EML6: variants seen among roughly 807,000 people sequenced by gnomAD.
The protein encoded by EML6 is echinoderm microtubule-associated protein-like 6.
A neutral mutation model predicts 240.1 loss-of-function variants in EML6; 154 were observed. The ratio of observed to expected loss-of-function variants is 0.64; its 90% CI spans 0.56 to 0.73. The LOEUF is 0.73. Among genes scored for constraint, EML6 ranks in the 30% least tolerant of loss-of-function variants. EML6 has a pLI of 0.00. For missense variants in EML6, 2,964 were observed against 2,474.6 expected, an observed-to-expected ratio of 1.20 and a Z score of -4.20; for synonymous variants, 1,148 against 899.0, an observed-to-expected ratio of 1.28 and a Z score of -4.95.
Position 54,827,926 on chromosome 2 carries a change from A to G in EML6, c.711+175A>G, listed in dbSNP as rs561343296. 2.0e-5 allele frequency among the ~76,000 whole-genome samples: 3 copies of G among 152,354 alleles called. No homozygotes were observed. The South Asian group carries it at 6.2e-4, about 32-fold the overall frequency. On this transcript the variant is annotated intron_variant, in intron 6 of 41. Coordinates refer to ENST00000356458, the MANE Select transcript of EML6 (RefSeq NM_001039753.4). ...CACCTAAAGGAAAATATATTTCAAA[A>G]GCATACAATGTAATTAGCCCTCACC... is the stretch of plus-strand genomic sequence containing the variant.
chr2:54,773,796 A>G (rs1668491719), intron 2 of EML6, among the ~76,000 whole-genome samples: 1 of 152,202 alleles, frequency 6.6e-6, no homozygotes, highest in Non-Finnish European at 1.5e-5. Context: ...AGGAATTATG[A>G]AATTAGCGCT....
intron 16 of EML6, among the ~76,000 whole-genome samples, chr2:54,876,368 C>T (rs1671507988): frequency 6.6e-6 from 1 of 152,160 alleles, no homozygotes. Flanking sequence ...GTTGAGGCAC[C>T]TCTGGGTTTG....
intron 2 of EML6, among the ~76,000 whole-genome samples, chr2:54,800,346 A>G (rs1382594322): frequency 2.6e-5 from 4 of 152,164 alleles, no homozygotes; most frequent in Non-Finnish European, 4.4e-5. Flanking sequence ...GTTCCATCAG[A>G]TTGGAAGGTG....
intron 32 of EML6, among the ~76,000 whole-genome samples, chr2:54,956,853 A>G (rs970096561): frequency 1.3e-5 from 2 of 152,228 alleles, no homozygotes; most frequent in Non-Finnish European, 1.5e-5. Context: ...GTTAAAGGGT[A>G]ACAGGTTTAA....
intron 17 of EML6, chr2:54,880,954 A>T (rs1301174812): frequency 6.6e-6 from 1 of 152,172 alleles, no homozygotes; most frequent in East Asian, 1.9e-4. Flanking sequence ...GGAAGAAAGA[A>T]ATATTTCTTA....
chr2:54,851,736 A>G (rs1387683660), intron 10 of EML6, among the ~76,000 whole-genome samples: 1 of 152,094 alleles, frequency 6.6e-6, no homozygotes, highest in Non-Finnish European at 1.5e-5. Flanking sequence ...TTCATTGTTC[A>G]TTAATGTGTA....
intron 2 of EML6, among the ~76,000 whole-genome samples, chr2:54,759,600 A>C (rs1667887426): frequency 6.6e-6 from 1 of 152,142 alleles, no homozygotes; most frequent in Non-Finnish European, 1.5e-5. Flanking sequence ...ATGGATGCCA[A>C]ATCTGGGGGA....
intron 2 of EML6, among the ~76,000 whole-genome samples, chr2:54,745,551 A>G (rs1427083724): frequency 2.0e-5 from 3 of 152,170 alleles, no homozygotes; most frequent in Admixed American, 2.0e-4. Flanking sequence ...CTGAGAGGGT[A>G]GGATCGCTCA....
chr2:54,799,287 C>T (rs987938653), intron 2 of EML6, among the ~76,000 whole-genome samples: 2 of 151,508 alleles, frequency 1.3e-5, no homozygotes, highest in African/African-American at 4.9e-5. Context: ...TCTCAAACTC[C>T]TGACCTCAGG....
intron 2 of EML6, among the ~76,000 whole-genome samples, chr2:54,779,376 T>TA (rs368167674): frequency 0.044 from 6,433 of 146,846 alleles, 438 homozygotes; most frequent in African/African-American, 0.15. Flanking sequence ...CTGTCTCTAC[T>TA]AAAAAAAAAA....
intron 2 of EML6, among the ~76,000 whole-genome samples, chr2:54,807,913 G>A (rs1337721502): frequency 6.6e-6 from 1 of 152,140 alleles, no homozygotes; most frequent in Non-Finnish European, 1.5e-5. Context: ...GGTATTGCTG[G>A]AATATAGTTT....
chr2:54,825,455 G>A (rs915682401), intron 5 of EML6, among the ~76,000 whole-genome samples: 1 of 152,090 alleles, frequency 6.6e-6, no homozygotes, highest in Admixed American at 6.5e-5. Context: ...TAGAGATGGG[G>A]TTTTGCCATG....
chr2:54,805,238 T>G (rs773958271), intron 2 of EML6, among the ~76,000 whole-genome samples: 1 of 152,206 alleles, frequency 6.6e-6, no homozygotes, highest in South Asian at 2.1e-4. Context: ...CTATTTCCGA[T>G]TTCTGGCTCT....
intron 2 of EML6, among the ~76,000 whole-genome samples, chr2:54,805,157 G>A (rs574854069): frequency 6.6e-6 from 1 of 152,242 alleles, no homozygotes; most frequent in Non-Finnish European, 1.5e-5. Context: ...TTCCATTTCT[G>A]TTTATGGCTG....
At chr2:54,794,033 C>A (rs1348967320) in intron 2 of EML6, among the ~76,000 whole-genome samples, 1 of 152,116 alleles carries the variant, frequency 6.6e-6, no homozygotes. Context: ...GAAAACTGAC[C>A]CTTAATAAGC....
At chr2:54,812,425 A>G (rs959287936) in intron 2 of EML6, among the ~76,000 whole-genome samples, 3 of 152,220 alleles carry the variant, frequency 2.0e-5, no homozygotes, top group East Asian at 1.9e-4. Context: ...AGTTTACACA[A>G]TGAGCTAGTT....
chr2:54,964,943 A>T (rs1676682560), intron 38 of EML6, among the ~76,000 whole-genome samples: 1 of 152,236 alleles, frequency 6.6e-6, no homozygotes, highest in South Asian at 2.1e-4. Flanking sequence ...AGAATTTAAA[A>T]TAATAAAGAG....
chr2:54,942,253 T>C (rs553991007), intron 28 of EML6, among the ~76,000 whole-genome samples: 3 of 152,218 alleles, frequency 2.0e-5, no homozygotes, highest in Admixed American at 6.5e-5. Context: ...AGAAGCTTAA[T>C]GTGCCTAGGA....
intron 17 of EML6, among the ~76,000 whole-genome samples, chr2:54,890,298 G>A (rs1027655621): frequency 2.1e-4 from 32 of 152,036 alleles, no homozygotes; most frequent in South Asian, 4.1e-4. Flanking sequence ...CTCTATATTC[G>A]TAAGGCAGAT....
Sources: allele counts gnomAD v4.1 joint callset (sites outside exome capture counted in the v4.1 genomes callset), GRCh38; gene constraint gnomAD v4.1.1; transcripts MANE v1.5; gene names NCBI Gene and HGNC (gene_info 2026-07-23, HGNC 2026-07-21).